Variants in CLPB observed in about 807,000 individuals in gnomAD.
CLPB encodes the protein ClpB family mitochondrial disaggregase, also known as mitochondrial disaggregase.
In CLPB, 40 loss-of-function variants were observed where a neutral mutation model predicts 78.4. That is an observed-to-expected ratio of 0.51 (90% CI 0.40 to 0.66). The LOEUF (loss-of-function observed/expected upper bound fraction) is 0.66. Among genes scored for constraint, CLPB ranks in the 30% least tolerant of loss-of-function variants. CLPB has a pLI of 0.00. For synonymous variants in CLPB, 333 were observed against 348.0 expected (o/e 0.96, Z 0.48); for missense variants, 780 against 886.9 (o/e 0.88, Z 1.53).
rs147128418 is a variant in CLPB, at chr11:72,408,508, A to T, written c.456-5456T>A. Among the ~76,000 whole-genome samples, 2,302 of 152,068 alleles carry T rather than the reference A, an allele frequency of 0.015. 50 individuals are homozygous for T. The highest frequency in any genetic ancestry group is 0.053 in the African/African-American group (2,205 of 41,452). On this transcript the variant is annotated intron_variant, in intron 2 of 15. Transcript: ENST00000538039. Reference sequence around the variant, plus strand: ...CGGTGAAACCCTGTCTCTACTAAAAATACAAAAAATTAGCCGGGTGTGGTG... The same window carrying T: ...CGGTGAAACCCTGTCTCTACTAAAATTACAAAAAATTAGCCGGGTGTGGTG...
At chr11:72,342,586 G>A (rs546367802) in intron 5 of CLPB, among the ~76,000 whole-genome samples, 1 of 152,156 alleles carries the variant, frequency 6.6e-6, no homozygotes, top group Non-Finnish European at 1.5e-5. Context: ...GTGGCAGCAG[G>A]TTCTATGGCC....
At chr11:72,359,107 A>T in intron 4 of CLPB, 99 bp from the exon 5 acceptor site, 1 of 1,573,936 alleles carries the variant, frequency 6.4e-7, no homozygotes, top group Middle Eastern at 1.7e-4. Context: ...TCACTCATCT[A>T]CCTACTTACT....
At chr11:72,350,915 G>T (rs538198075) in intron 5 of CLPB, among the ~76,000 whole-genome samples, 1 of 152,328 alleles carries the variant, frequency 6.6e-6, no homozygotes, top group African/African-American at 2.4e-5. Flanking sequence ...TACTTAGAGA[G>T]TTGTGCAACC....
At chr11:72,433,355 C>G (rs1281234862) in intron 1 of CLPB, among the ~76,000 whole-genome samples, 1 of 151,976 alleles carries the variant, frequency 6.6e-6, no homozygotes, top group Non-Finnish European at 1.5e-5. Flanking sequence ...GTCAAGAGAT[C>G]GAGACCATCC....
chr11:72,418,748 T>A (rs1256698531), intron 2 of CLPB, among the ~76,000 whole-genome samples: 1 of 150,180 alleles, frequency 6.7e-6, no homozygotes, highest in Non-Finnish European at 1.5e-5. Flanking sequence ...CCAGCTACTC[T>A]GGAGGCTGAG....
At chr11:72,361,349 AC>A (rs1950834493) in intron 4 of CLPB, among the ~76,000 whole-genome samples, 1 of 152,218 alleles carries the variant, frequency 6.6e-6, no homozygotes, top group African/African-American at 2.4e-5. Context: ...CCTCTAACAT[AC>A]AAGTCCCATG....
At chr11:72,295,417 C>T in intron 12 of CLPB, 75 bp downstream of exon 12, 4 of 1,546,572 alleles carry the variant, frequency 2.6e-6, no homozygotes, top group Non-Finnish European at 3.5e-6. Context: ...GCCCAGGGCC[C>T]CAATCCCATC....
intron 3 of CLPB, among the ~76,000 whole-genome samples, chr11:72,400,558 T>C (rs536722067): frequency 1.3e-5 from 2 of 152,342 alleles, no homozygotes; most frequent in African/African-American, 4.8e-5. Flanking sequence ...AGTCTCAACC[T>C]TGAAAATACT....
chr11:72,319,089 C>T (rs1950000759), intron 6 of CLPB, among the ~76,000 whole-genome samples: 1 of 152,168 alleles, frequency 6.6e-6, no homozygotes, highest in Non-Finnish European at 1.5e-5. Flanking sequence ...TGATGAGTTC[C>T]AGAGTATGCC....
At chr11:72,343,249 T>C (rs939277420) in intron 5 of CLPB, among the ~76,000 whole-genome samples, 2 of 152,210 alleles carry the variant, frequency 1.3e-5, no homozygotes, top group Non-Finnish European at 2.9e-5. Flanking sequence ...TAGGAAGCCT[T>C]ATTTATGGCT....
At chr11:72,357,637 G>C (rs988488321) in intron 5 of CLPB, among the ~76,000 whole-genome samples, 1 of 149,022 alleles carries the variant, frequency 6.7e-6, no homozygotes, top group African/African-American at 2.5e-5. Context: ...CAGAGGTCAC[G>C]GTAAGCCAAG....
At chr11:72,430,252 A>G in intron 2 of CLPB, 60 bp downstream of exon 2, 2 of 1,516,080 alleles carry the variant, frequency 1.3e-6, no homozygotes, top group South Asian at 2.3e-5. Flanking sequence ...TCACACGAGA[A>G]GAGGCTCGCC....
At chr11:72,331,911 A>T (rs1950234183) in intron 5 of CLPB, among the ~76,000 whole-genome samples, 1 of 152,082 alleles carries the variant, frequency 6.6e-6, no homozygotes. Flanking sequence ...TCAACTTATG[A>T]ACAACAGTAA....
chr11:72,414,982 C>T (rs1334878973), intron 2 of CLPB, among the ~76,000 whole-genome samples: 3 of 152,138 alleles, frequency 2.0e-5, no homozygotes, highest in African/African-American at 7.2e-5. Context: ...CTTTGAGAGG[C>T]CGAGGTGGGT....
chr11:72,326,392 C>T (rs1950134565), intron 6 of CLPB, among the ~76,000 whole-genome samples: 1 of 152,138 alleles, frequency 6.6e-6, no homozygotes, highest in African/African-American at 2.4e-5. Flanking sequence ...CATCAGTCTT[C>T]TTCCCATCTA....
At chr11:72,380,574 G>A (rs979084776) in intron 3 of CLPB, among the ~76,000 whole-genome samples, 190 bp from the exon 4 acceptor site, 8 of 152,120 alleles carry the variant, frequency 5.3e-5, no homozygotes, top group Middle Eastern at 3.2e-3. Flanking sequence ...GATCTTAGCC[G>A]GGTGCAGTGA....
At chr11:72,314,410 T>C (rs554978601) in intron 7 of CLPB, among the ~76,000 whole-genome samples, 1 of 152,240 alleles carries the variant, frequency 6.6e-6, no homozygotes, top group South Asian at 2.1e-4. Flanking sequence ...ATGGCTGTAA[T>C]AAGCTATTCT....
intron 7 of CLPB, among the ~76,000 whole-genome samples, chr11:72,309,269 C>A (rs557846051): frequency 1.3e-5 from 2 of 152,216 alleles, no homozygotes; most frequent in African/African-American, 2.4e-5. Flanking sequence ...CAGATAGGTA[C>A]CAGGTTCCTT....
chr11:72,319,270 A>C (rs990830442), intron 6 of CLPB, among the ~76,000 whole-genome samples: 6 of 152,202 alleles, frequency 3.9e-5, no homozygotes, highest in Admixed American at 1.3e-4. Flanking sequence ...TCCTTCCTGG[A>C]CCATGAGGTC....
Sources: gnomAD v4.1 joint callset for allele counts (sites outside exome capture counted in the v4.1 genomes callset) on GRCh38, gnomAD v4.1.1 for gene constraint, MANE v1.5 for transcripts, NCBI Gene and HGNC (gene_info 2026-07-23, HGNC 2026-07-21) for gene names.